The following CNTLN variants were observed in gnomAD, a reference collection of about 807,000 sequenced individuals.
The protein encoded by CNTLN is centlein, centrosomal protein.
CNTLN carries 212 observed loss-of-function variants against 180.0 expected under a neutral mutation model. That is an observed-to-expected ratio of 1.18 (90% CI 1.05 to 1.32). The LOEUF (loss-of-function observed/expected upper bound fraction) is 1.32, where lower values mean the gene tolerates loss of function less well. Among genes scored for constraint, CNTLN ranks in the 40% most tolerant of loss-of-function variants. The pLI, the probability that CNTLN is intolerant of heterozygous loss-of-function variation, is 0.00. For synonymous variants in CNTLN, 722 were observed against 563.1 expected, an observed-to-expected ratio of 1.28 and a Z score of -3.99; for missense variants, 2,095 against 1,610.9, an observed-to-expected ratio of 1.30 and a Z score of -5.14.
chr9:17,156,936 G>A (rs550552742), intron 2 of CNTLN, among the ~76,000 whole-genome samples: 13 of 152,260 alleles, frequency 8.5e-5, no homozygotes, highest in African/African-American at 2.2e-4. Context: ...ATGTTGCTAG[G>A]TACAAAGTTG....
At chr9:17,366,484 T>G (rs1162531166) in intron 12 of CNTLN, 133 bp from the exon 13 acceptor site, 11 of 423,936 alleles carry the variant, frequency 2.6e-5, no homozygotes, top group Non-Finnish European at 3.8e-5. Flanking sequence ...ATTTTACTCT[T>G]CTCCATTTTA....
chr9:17,415,965 G>C lies in CNTLN; in HGVS notation c.2891-1G>C, dbSNP rs1183251131. The stretch of plus-strand genomic sequence containing the variant: ...ATATGAACAATATTGTTTTTATGTA[G>C]TCAACAGAGAAAAGTACAAAAATAT... On this transcript the variant is annotated splice_acceptor_variant, in intron 17 of 25. Transcript: ENST00000380647. LOFTEE classifies it high-confidence loss of function. 6.2e-7 allele frequency: 1 copy of C among 1,602,022 alleles called. No individual in the cohort carries two copies. The highest frequency in any genetic ancestry group is 1.3e-5 in the African/African-American group (1 of 74,162).
chr9:17,427,770 A>G lies in CNTLN; in HGVS notation c.3114+11581A>G, dbSNP rs142854101. On this transcript the variant is annotated intron_variant, in intron 18 of 25. Coordinates refer to ENST00000380647, the MANE Select transcript of CNTLN (RefSeq NM_017738.4). ...AAGTAAGCCAGTGTTGGGGCTCTCAACGGTGGATTATCACATCTGTACCAT... is the reference window on the plus strand; with the variant it reads ...AAGTAAGCCAGTGTTGGGGCTCTCAGCGGTGGATTATCACATCTGTACCAT... Among the ~76,000 whole-genome samples, 597 of 152,244 alleles carry G rather than the reference A, an allele frequency of 3.9e-3. 4 individuals are homozygous for G. The highest frequency in any genetic ancestry group is 0.013 in the African/African-American group (554 of 41,556).
downstream of CNTLN, among the ~76,000 whole-genome samples, chr9:17,505,657 T>C (rs1833920446): frequency 1.3e-5 from 2 of 152,174 alleles, no homozygotes; most frequent in East Asian, 3.9e-4. Flanking sequence ...TTAGGAGACA[T>C]AGTAAGACCA....
At chr9:17,196,211 A>C (rs978232609) in intron 2 of CNTLN, among the ~76,000 whole-genome samples, 5 of 152,044 alleles carry the variant, frequency 3.3e-5, no homozygotes, top group African/African-American at 1.2e-4. Context: ...TTTGAGAGGC[A>C]CGGGGTTTCA....
chr9:17,456,033 G>A (rs1220082216), intron 18 of CNTLN, among the ~76,000 whole-genome samples: 3 of 152,064 alleles, frequency 2.0e-5, no homozygotes, highest in African/African-American at 7.2e-5. Flanking sequence ...TGACGGGAGA[G>A]AGAGGGTTGT....
chr9:17,424,229 A>C (rs550702218), intron 18 of CNTLN, among the ~76,000 whole-genome samples: 2 of 152,184 alleles, frequency 1.3e-5, no homozygotes, highest in Non-Finnish European at 2.9e-5. Context: ...TCTGTATTGC[A>C]AAAGTGAACA....
intron 5 of CNTLN, among the ~76,000 whole-genome samples, chr9:17,271,907 G>A (rs555899285): frequency 1.3e-5 from 2 of 152,134 alleles, no homozygotes; most frequent in African/African-American, 4.8e-5. Context: ...TTAGCTGCCT[G>A]GTTGTTCCAT....
chr9:17,144,238 C>T (rs1379722179), intron 2 of CNTLN, among the ~76,000 whole-genome samples: 1 of 152,176 alleles, frequency 6.6e-6, no homozygotes, highest in Non-Finnish European at 1.5e-5. Context: ...ATTTTACCAT[C>T]TTTGGTTATT....
chr9:17,476,172 G>T (rs1029944970), intron 23 of CNTLN, among the ~76,000 whole-genome samples: 1 of 151,944 alleles, frequency 6.6e-6, no homozygotes, highest in African/African-American at 2.4e-5. Flanking sequence ...TATTTTAATT[G>T]TTTTGAGGTG....
chr9:17,396,073 T>TTC (rs1826497500), intron 15 of CNTLN, among the ~76,000 whole-genome samples: 1 of 152,180 alleles, frequency 6.6e-6, no homozygotes, highest in Admixed American at 6.6e-5. Context: ...ACCAGCGCCA[T>TTC]GACAGTTTAC....
chr9:17,310,256 T>G (rs1481692837), intron 8 of CNTLN, among the ~76,000 whole-genome samples: 1 of 152,186 alleles, frequency 6.6e-6, no homozygotes, highest in African/African-American at 2.4e-5. Context: ...TTTTGATTTT[T>G]TTAAACAGTT....
intron 1 of CNTLN, among the ~76,000 whole-genome samples, chr9:17,140,363 T>G (rs1818002266): frequency 6.6e-6 from 1 of 152,228 alleles, no homozygotes; most frequent in Non-Finnish European, 1.5e-5. Flanking sequence ...CAATAGATTG[T>G]GCACTTGAAA....
At chr9:17,339,511 A>G (rs1399275864) in intron 10 of CNTLN, among the ~76,000 whole-genome samples, 1 of 152,202 alleles carries the variant, frequency 6.6e-6, no homozygotes, top group Non-Finnish European at 1.5e-5. Flanking sequence ...ATTAATTTCA[A>G]TGGTGTTCTT....
chr9:17,351,342 T>C (rs1305106630), intron 12 of CNTLN, among the ~76,000 whole-genome samples: 2 of 152,214 alleles, frequency 1.3e-5, no homozygotes, highest in African/African-American at 4.8e-5. Flanking sequence ...CAGACCTGTA[T>C]ATCTAGCATA....
At chr9:17,489,231 T>C (rs1468799038) in intron 25 of CNTLN, among the ~76,000 whole-genome samples, 4 of 152,144 alleles carry the variant, frequency 2.6e-5, no homozygotes, top group African/African-American at 7.2e-5. Flanking sequence ...AGCCTTTTTT[T>C]AGAGTCTGAG....
intron 5 of CNTLN, among the ~76,000 whole-genome samples, chr9:17,271,162 C>T (rs1827917003): frequency 6.6e-6 from 1 of 151,890 alleles, no homozygotes; most frequent in Admixed American, 6.6e-5. Flanking sequence ...ATGTTAGCCT[C>T]GATCTCCTGA....
At chr9:17,185,900 C>G (rs1411795237) in intron 2 of CNTLN, among the ~76,000 whole-genome samples, 1 of 151,974 alleles carries the variant, frequency 6.6e-6, no homozygotes, top group Non-Finnish European at 1.5e-5. Context: ...TCAAGTGATT[C>G]TCCCACCTCA....
chr9:17,342,714 C>G (rs1821581038), intron 12 of CNTLN, among the ~76,000 whole-genome samples: 2 of 152,088 alleles, frequency 1.3e-5, no homozygotes, highest in Admixed American at 1.3e-4. Flanking sequence ...AGGTGTCGCT[C>G]TTCATTAGCC....
Sources: gnomAD v4.1 joint callset for allele counts (sites outside exome capture counted in the v4.1 genomes callset) on GRCh38, gnomAD v4.1.1 for gene constraint, MANE v1.5 for transcripts, NCBI Gene and HGNC (gene_info 2026-07-23, HGNC 2026-07-21) for gene names.